The following MPHOSPH6 variants were observed in gnomAD, a reference collection of about 807,000 sequenced individuals.
MPHOSPH6 encodes the protein M-phase phosphoprotein 6.
Under a neutral mutation model 21.8 loss-of-function variants are expected in MPHOSPH6, and 25 were observed. The ratio of observed to expected loss-of-function variants is 1.15; its 90% CI spans 0.83 to 1.60. The LOEUF is 1.60. Ranked by LOEUF, MPHOSPH6 falls within the 40% of genes most tolerant of loss-of-function variation. The pLI is 0.00. For synonymous variants in MPHOSPH6, 84 were observed against 56.5 expected, an observed-to-expected ratio of 1.49 and a Z score of -2.18; for missense variants, 269 against 181.8, an observed-to-expected ratio of 1.48 and a Z score of -2.76.
chr16:82,161,431 AAAC>A (rs1419903094), intron 2 of MPHOSPH6, among the ~76,000 whole-genome samples: 2 of 152,200 alleles, frequency 1.3e-5, no homozygotes, highest in African/African-American at 4.8e-5. Flanking sequence ...AATACTTCTT[AAAC>A]AACTTGCTAC....
intron 1 of MPHOSPH6, among the ~76,000 whole-genome samples, chr16:82,165,110 A>ATTTTT (rs1906723920): frequency 7.5e-5 from 6 of 79,916 alleles, no homozygotes; most frequent in East Asian, 4.3e-4. Flanking sequence ...CAGGTCCGAT[A>ATTTTT]TTTCTTTTTT....
chr16:82,159,422 T>G (rs190131812), intron 2 of MPHOSPH6, among the ~76,000 whole-genome samples: 429 of 152,280 alleles, frequency 2.8e-3, no homozygotes, highest in African/African-American at 9.9e-3. Flanking sequence ...TTTTTTTTTT[T>G]GAGATGGAGT....
intron 2 of MPHOSPH6, among the ~76,000 whole-genome samples, chr16:82,158,199 T>C (rs973098494): frequency 1.3e-5 from 2 of 151,928 alleles, no homozygotes; most frequent in South Asian, 2.1e-4. Flanking sequence ...ATATATAAGA[T>C]ACTTCTTAGC....
At chr16:82,156,608 T>A (rs1452686232) in intron 2 of MPHOSPH6, among the ~76,000 whole-genome samples, 1 of 152,136 alleles carries the variant, frequency 6.6e-6, no homozygotes, top group East Asian at 1.9e-4. Context: ...AAAAGATACA[T>A]AACTCCAAAT....
intron 4 of MPHOSPH6, 112 bp from the exon 5 acceptor site, chr16:82,148,975 C>T (rs746305772): frequency 2.3e-6 from 3 of 1,324,428 alleles, no homozygotes; most frequent in East Asian, 4.7e-5. Flanking sequence ...AAAAAGAAAA[C>T]TATCATTAAA....
At chr16:82,159,837 T>G (rs1389567998) in intron 2 of MPHOSPH6, among the ~76,000 whole-genome samples, 2 of 152,160 alleles carry the variant, frequency 1.3e-5, no homozygotes. Context: ...CAGAACCGCC[T>G]CTCCCTGAGG....
intron 2 of MPHOSPH6, among the ~76,000 whole-genome samples, chr16:82,153,808 T>C (rs1443479632): frequency 1.3e-5 from 2 of 152,192 alleles, no homozygotes; most frequent in Non-Finnish European, 2.9e-5. Flanking sequence ...ACAAAATTGG[T>C]GGCTTAGAGC....
chr16:82,157,541 G>T (rs1906466230), intron 2 of MPHOSPH6, among the ~76,000 whole-genome samples: 1 of 152,222 alleles, frequency 6.6e-6, no homozygotes, highest in Non-Finnish European at 1.5e-5. Context: ...ATGTTTCCTT[G>T]ATAGGAGTAT....
intron 2 of MPHOSPH6, among the ~76,000 whole-genome samples, chr16:82,159,840 C>A (rs533610548): frequency 6.6e-6 from 1 of 152,212 alleles, no homozygotes; most frequent in African/African-American, 2.4e-5. Context: ...AACCGCCTCT[C>A]CCTGAGGGAA....
At chr16:82,159,932 A>T (rs896631117) in intron 2 of MPHOSPH6, among the ~76,000 whole-genome samples, 14 of 152,130 alleles carry the variant, frequency 9.2e-5, no homozygotes, top group Admixed American at 6.5e-4. Context: ...CTTATTCCTT[A>T]TAGAGGGAGC....
At chr16:82,165,121 A>T (rs2967354) in intron 1 of MPHOSPH6, among the ~76,000 whole-genome samples, 27,129 of 46,394 alleles carry the variant, frequency 0.58, 6,860 homozygotes, top group African/African-American at 0.69. Flanking sequence ...TTTCTTTTTT[A>T]TTTTTTTTTT....
chr16:82,170,037 C>A, intron 1 of MPHOSPH6, 88 bp downstream of exon 1: 1 of 1,435,426 alleles, frequency 7.0e-7, no homozygotes, highest in Middle Eastern at 1.9e-4. Flanking sequence ...CTCTGGTGTC[C>A]CTTGTCCGCC....
At chr16:82,165,808 A>G (rs1489951069) in intron 1 of MPHOSPH6, among the ~76,000 whole-genome samples, 2 of 57,222 alleles carry the variant, frequency 3.5e-5, no homozygotes, top group Non-Finnish European at 1.0e-4. Context: ...GATGAACCCT[A>G]TGATGCTCTC....
At chr16:82,168,640 T>C (rs1906870713) in intron 1 of MPHOSPH6, among the ~76,000 whole-genome samples, 2 of 152,172 alleles carry the variant, frequency 1.3e-5, no homozygotes, top group African/African-American at 4.8e-5. Context: ...CTGGCTAATA[T>C]TTTGTATTTT....
chr16:82,154,007 C>T (rs918573604), intron 2 of MPHOSPH6, among the ~76,000 whole-genome samples: 2 of 152,034 alleles, frequency 1.3e-5, no homozygotes, highest in African/African-American at 4.8e-5. Context: ...ATCTAAAGAT[C>T]TGTAATTTAC....
At chr16:82,161,843 G>A (rs961686114) in intron 2 of MPHOSPH6, among the ~76,000 whole-genome samples, 7 of 152,208 alleles carry the variant, frequency 4.6e-5, no homozygotes, top group African/African-American at 1.4e-4. Context: ...AGTGTCCCCT[G>A]TGAGGCAGTG....
At chr16:82,165,919 G>A (rs879355976) in intron 1 of MPHOSPH6, among the ~76,000 whole-genome samples, 9 of 152,224 alleles carry the variant, frequency 5.9e-5, no homozygotes, top group Non-Finnish European at 8.8e-5. Flanking sequence ...AAGTGCTGAA[G>A]AGAATGTGAA....
intron 2 of MPHOSPH6, chr16:82,163,728 C>T (rs1045270945): frequency 5.9e-6 from 1 of 170,432 alleles, no homozygotes; most frequent in Non-Finnish European, 1.2e-5. Flanking sequence ...ACTCTGTAAC[C>T]GAAACAAAAC....
chr16:82,152,783 T>C (rs565354206), intron 2 of MPHOSPH6, among the ~76,000 whole-genome samples: 1 of 152,248 alleles, frequency 6.6e-6, no homozygotes, highest in Non-Finnish European at 1.5e-5. Context: ...TGACCGTAAA[T>C]CCAAGGTGAC....
Sources: allele counts gnomAD v4.1 joint callset (sites outside exome capture counted in the v4.1 genomes callset), GRCh38; gene constraint gnomAD v4.1.1; transcripts MANE v1.5; gene names NCBI Gene and HGNC (gene_info 2026-07-23, HGNC 2026-07-21).